The following LAMC2 variants were observed in gnomAD, a reference collection of about 807,000 sequenced individuals.
LAMC2 encodes laminin subunit gamma-2.
LAMC2 carries 97 observed loss-of-function variants against 140.2 expected under a neutral mutation model. The observed-to-expected ratio is 0.69, with a 90% CI of 0.59 to 0.82. The LOEUF is 0.82. LAMC2 is among the 40% of genes least tolerant of loss of function. LAMC2 has a pLI of 0.00. For synonymous variants in LAMC2, 513 were observed against 540.2 expected, an observed-to-expected ratio of 0.95 and a Z score of 0.70; for missense variants, 1,402 against 1,476.1, an observed-to-expected ratio of 0.95 and a Z score of 0.82.
chr1:183,236,619 C>A lies in LAMC2; in HGVS notation c.2601+15C>A. ...AGTCCTTTCAGGTGAGGGCATCTGG[C>A]CTGTGTGCTTGATATACAGGAGGGC... On this transcript the variant is annotated intron_variant, in intron 17 of 22. Transcript: ENST00000264144. The A allele has an allele frequency of 6.2e-7, 1 of 1,613,946 alleles. No homozygotes were observed. The highest frequency in any genetic ancestry group is 8.5e-7 in the Non-Finnish European group (1 of 1,179,858).
At chr1:183,201,523 C>T (rs1455987333) in intron 1 of LAMC2, among the ~76,000 whole-genome samples, 1 of 152,208 alleles carries the variant, frequency 6.6e-6, no homozygotes, top group Non-Finnish European at 1.5e-5. Context: ...ATGCATACAT[C>T]AGATCATGCA....
intron 16 of LAMC2, 113 bp downstream of exon 16, chr1:183,235,843 A>C: frequency 4.7e-6 from 5 of 1,068,898 alleles, no homozygotes; most frequent in Non-Finnish European, 4.2e-6. Flanking sequence ...ATTATTAATG[A>C]TAATAAGAGG....
At chr1:183,243,097 A>G in intron 22 of LAMC2, 50 bp from the exon 23 acceptor site, 4 of 1,610,894 alleles carry the variant, frequency 2.5e-6, no homozygotes, top group Non-Finnish European at 3.4e-6. Context: ...GTTCAAGGAG[A>G]TCTAACTACA....
In LAMC2 at chr1:183,227,553, T is replaced by C; in HGVS notation, c.1324T>C (p.Cys442Arg). ...AGGGGATGAGAATCCTGACATTGAG[T>C]GTGCTGACTGCCCAATTGGTTTCTA... The part of the protein sequence containing the change: ...YSGDENPDIE[C>R]ADCPIGFYND... Residue 442 changes from cysteine (C) to arginine (R), a missense_variant, in exon 10 of 23, where the codon TGT (cysteine) becomes CGT (arginine). Cys to Arg is a radical substitution (Grantham distance 180). Around this residue, in one of 3 missense-constraint regions of LAMC2, gnomAD observed 723 missense variants for 783.3 expected, o/e 0.92. Coordinates refer to ENST00000264144, the MANE Select transcript of LAMC2 (RefSeq NM_005562.3). 1 of 1,614,108 alleles carries C rather than the reference T, an allele frequency of 6.2e-7. No individual in the cohort carries two copies. The highest frequency in any genetic ancestry group is 8.5e-7 in the Non-Finnish European group (1 of 1,180,010).
At chr1:183,214,648 A>G (rs1659195242) in intron 2 of LAMC2, among the ~76,000 whole-genome samples, 1 of 152,076 alleles carries the variant, frequency 6.6e-6, no homozygotes, top group African/African-American at 2.4e-5. Flanking sequence ...ATTTTTAAAG[A>G]ATATCCTGGC....
downstream of LAMC2, among the ~76,000 whole-genome samples, chr1:183,247,529 C>CAAA (rs371988499): frequency 7.5e-5 from 8 of 106,042 alleles, no homozygotes; most frequent in Middle Eastern, 4.6e-3. Context: ...AATTTTAAGC[C>CAAA]AAAAAAAAAA....
chr1:183,207,783 C>T (rs901421013), intron 1 of LAMC2, 98 bp from the exon 2 acceptor site: 3 of 1,042,702 alleles, frequency 2.9e-6, no homozygotes, highest in Non-Finnish European at 4.5e-6. Context: ...AGTACTCATG[C>T]ATAATTTCTA....
At position 183,226,867 on chromosome 1, in the gene LAMC2, C is replaced by T; in HGVS notation, c.1236C>T (p.Thr412=). 6.2e-7 allele frequency: 1 copy of T among 1,614,126 alleles called. No homozygotes were observed. The highest frequency in any genetic ancestry group is 8.5e-7 in the Non-Finnish European group (1 of 1,180,014). ...RDSARLGPFG[T]CIPCNCQGGG... ...CAGCGAGACTGGGGCCTTTTGGCAC[C>T]TGTATTCCTTGTAACTGTCAAGGGG... is the stretch of plus-strand genomic sequence containing the variant. Residue 412 remains threonine, a synonymous_variant, in exon 9 of 23, where the codon ACC becomes ACT. Transcript: ENST00000264144.
chr1:183,194,942 AC>A (rs1658467253), intron 1 of LAMC2, among the ~76,000 whole-genome samples: 1 of 152,170 alleles, frequency 6.6e-6, no homozygotes, highest in Non-Finnish European at 1.5e-5. Context: ...ATAGAATCTT[AC>A]CACAATCACT....
At chr1:183,201,620 A>G (rs1658709098) in intron 1 of LAMC2, among the ~76,000 whole-genome samples, 1 of 152,022 alleles carries the variant, frequency 6.6e-6, no homozygotes, top group Non-Finnish European at 1.5e-5. Context: ...AACATTAGCA[A>G]CCCCCTTGGC....
At chr1:183,234,472 G>T in intron 15 of LAMC2, 26 bp downstream of exon 15, 3 of 1,562,958 alleles carry the variant, frequency 1.9e-6, no homozygotes, top group Non-Finnish European at 2.6e-6. Context: ...GGGCACCTCT[G>T]CTTCAAGCCG....
At chr1:183,242,490 C>T (rs1430453688) in intron 22 of LAMC2, among the ~76,000 whole-genome samples, 1 of 152,214 alleles carries the variant, frequency 6.6e-6, no homozygotes, top group Non-Finnish European at 1.5e-5. Context: ...ACCCTTCATA[C>T]TGACATTAGT....
At chr1:183,240,543 G>C in intron 22 of LAMC2, 152 bp downstream of exon 22, 1 of 1,453,886 alleles carries the variant, frequency 6.9e-7, no homozygotes, top group Non-Finnish European at 9.0e-7. Context: ...GATAACTTTC[G>C]GCAGGTTCCC....
chr1:183,232,988 A>T, intron 14 of LAMC2, 131 bp downstream of exon 14: 1 of 854,726 alleles, frequency 1.2e-6, no homozygotes, highest in Non-Finnish European at 1.9e-6. Context: ...AGGTTGTTGG[A>T]CTTCTTTTCC....
intron 2 of LAMC2, among the ~76,000 whole-genome samples, chr1:183,208,451 A>T (rs1417935745): frequency 6.6e-6 from 1 of 152,204 alleles, no homozygotes; most frequent in Admixed American, 6.5e-5. Flanking sequence ...AGTTCTTCAT[A>T]TCCATAGCCA....
rs545408405 is a variant in LAMC2 at position 183,206,700 on chromosome 1, C to G, written c.80-1181C>G. Among the ~76,000 whole-genome samples the G allele has an allele frequency of 4.6e-5, 7 of 151,866 alleles. No individual in the cohort carries two copies. The South Asian group carries it at 1.5e-3, about 32-fold the overall frequency. ...CATTGTCCCCTTGTATTGTCAGTGC[C>G]TGACACAGAGCCTGCACAGGGAGCC... On this transcript the variant is annotated intron_variant, in intron 1 of 22. Transcript: ENST00000264144.
At chr1:183,191,528 A>C (rs186023489) in intron 1 of LAMC2, among the ~76,000 whole-genome samples, 20 of 150,940 alleles carry the variant, frequency 1.3e-4, no homozygotes, top group African/African-American at 4.9e-4. Context: ...GTCCTAGAGA[A>C]ATTTCTAAGG....
intron 1 of LAMC2, among the ~76,000 whole-genome samples, chr1:183,198,676 C>T (rs1053997298): frequency 6.6e-6 from 1 of 152,228 alleles, no homozygotes; most frequent in African/African-American, 2.4e-5. Context: ...AGTACACTAC[C>T]TATCAAGGCT....
Position 183,243,683 on chromosome 1 carries a change from C to A in LAMC2, c.*283C>A. The A allele has an allele frequency of 2.1e-6, 1 of 486,536 alleles. No individual in the cohort carries two copies. The highest frequency in any genetic ancestry group is 2.2e-5 in the South Asian group (1 of 45,734). 30.1% of individuals were successfully genotyped at this position (486,536 alleles called of 1,614,324 possible). Reference sequence around the variant, plus strand: ...AGACTGGATGGAAAGACAAACTGCACAGGCAGATGTTTGCCTCATAATAGT... The same window carrying A: ...AGACTGGATGGAAAGACAAACTGCAAAGGCAGATGTTTGCCTCATAATAGT... On this transcript the variant is annotated 3_prime_UTR_variant, in exon 23 of 23. Transcript: ENST00000264144.
Sources: gnomAD v4.1 joint callset for allele counts (sites outside exome capture counted in the v4.1 genomes callset) on GRCh38, gnomAD v4.1.1 for gene constraint, gnomAD v4.1.1 regional missense constraint, MANE v1.5 for transcripts, NCBI Gene and HGNC (gene_info 2026-07-23, HGNC 2026-07-21) for gene names.